The following THNSL1 variants were observed in gnomAD, a reference collection of about 807,000 sequenced individuals.
The protein encoded by THNSL1 is threonine synthase like 1, also known as threonine synthase-like 1.
Under a neutral mutation model 50.4 loss-of-function variants are expected in THNSL1, and 48 were observed. The observed-to-expected ratio is 0.95, with a 90% CI of 0.76 to 1.21. The LOEUF is 1.21. THNSL1 is among the 50% of genes most tolerant of loss of function. THNSL1 has a pLI of 0.00. For synonymous variants in THNSL1, 309 were observed against 306.1 expected, an observed-to-expected ratio of 1.01 and a Z score of -0.10; for missense variants, 896 against 871.7, an observed-to-expected ratio of 1.03 and a Z score of -0.35.
chr10:24,991,717 A>G, the THNSL1 span, among the ~76,000 whole-genome samples: 1 of 152,194 alleles, frequency 6.6e-6, no homozygotes, highest in Non-Finnish European at 1.5e-5. Context: ...CGTGTGATCC[A>G]ATTCTTCAAG....
the THNSL1 span, chr10:24,984,676 T>C: frequency 6.1e-6 from 9 of 1,475,022 alleles, no homozygotes; most frequent in Non-Finnish European, 7.3e-6. Context: ...GAGTTTTTTA[T>C]ATTTTCCATG....
chr10:24,971,905 T>C, the THNSL1 span, among the ~76,000 whole-genome samples: 1 of 152,166 alleles, frequency 6.6e-6, no homozygotes, highest in East Asian at 1.9e-4. Flanking sequence ...ATTTAAAATG[T>C]CTTGGCCAGG....
chr10:25,008,004 AATAAAT>A, the THNSL1 span, among the ~76,000 whole-genome samples: 13 of 148,474 alleles, frequency 8.8e-5, no homozygotes, highest in African/African-American at 2.9e-4. Flanking sequence ...ATATAATATG[AATAAAT>A]ATAAATATAT....
the THNSL1 span, among the ~76,000 whole-genome samples, chr10:24,965,103 CA>C: frequency 6.6e-6 from 1 of 151,300 alleles, no homozygotes; most frequent in Non-Finnish European, 1.5e-5. Context: ...CTAAGATGAA[CA>C]AGCCATTGTC....
chr10:24,976,055 G>C, the THNSL1 span, among the ~76,000 whole-genome samples: 1 of 152,226 alleles, frequency 6.6e-6, no homozygotes, highest in African/African-American at 2.4e-5. Flanking sequence ...CACTGTCACA[G>C]AAGGGAAGCC....
the THNSL1 span, among the ~76,000 whole-genome samples, chr10:24,955,681 A>G: frequency 2.2e-3 from 329 of 152,346 alleles, 1 homozygote; most frequent in African/African-American, 7.6e-3. Flanking sequence ...ACCATGGCTC[A>G]CACCTGTAAT....
the THNSL1 span, chr10:24,990,372 GT>G: frequency 6.8e-7 from 1 of 1,471,242 alleles, no homozygotes. Context: ...CAAAATCCAA[GT>G]GCTGACTTTA....
At chr10:25,002,545 T>A in the THNSL1 span, among the ~76,000 whole-genome samples, 1 of 152,208 alleles carries the variant, frequency 6.6e-6, no homozygotes, top group African/African-American at 2.4e-5. Flanking sequence ...ATGACCACTC[T>A]ATGTTGTTTA....
At chr10:25,001,318 T>A in the THNSL1 span, among the ~76,000 whole-genome samples, 4 of 151,936 alleles carry the variant, frequency 2.6e-5, no homozygotes, top group African/African-American at 9.7e-5. Context: ...TTTTAAACTT[T>A]TTTTCTCTTT....
chr10:24,976,143 A>G, the THNSL1 span, among the ~76,000 whole-genome samples: 1 of 152,158 alleles, frequency 6.6e-6, no homozygotes, highest in African/African-American at 2.4e-5. Flanking sequence ...GACTGCTCCT[A>G]AGTACCTTTA....
At chr10:24,964,501 A>C in the THNSL1 span, among the ~76,000 whole-genome samples, 1 of 152,260 alleles carries the variant, frequency 6.6e-6, no homozygotes, top group South Asian at 2.1e-4. Context: ...TCAAAATGCA[A>C]AGCCAAAATT....
At chr10:24,984,786 TTCTA>T in the THNSL1 span, 1 of 1,613,876 alleles carries the variant, frequency 6.2e-7, no homozygotes, top group Non-Finnish European at 8.5e-7. Context: ...CAATGTCGTG[TTCTA>T]GTTGTTTCAT....
At chr10:25,015,994 T>C, upstream of THNSL1, 1 of 1,572,156 alleles carries the variant, frequency 6.4e-7, no homozygotes, top group Non-Finnish European at 8.6e-7. Context: ...CCTGTCCCAG[T>C]ATCTCCGTCC....
chr10:25,025,072 G>C lies in THNSL1; in HGVS notation c.1849G>C (p.Asp617His). 6.2e-7 allele frequency: 1 copy of C among 1,614,184 alleles called. No individual in the cohort carries two copies. The highest frequency in any genetic ancestry group is 1.1e-5 in the South Asian group (1 of 91,076). ...GAAACTTCAGCAGGATTTTGTAGCT[G>C]ACTGGTGCTCTGAGGGAGAGTGCCT... The part of the protein sequence containing the change: ...VEKLQQDFVA[D>H]WCSEGECLAA... Residue 617 changes from aspartate (D) to histidine (H), a missense_variant, in exon 3 of 3, where the codon GAC (aspartate) becomes CAC (histidine). Physicochemically the swap from Asp to His is moderately conservative, Grantham distance 81. Coordinates refer to ENST00000376356, the MANE Select transcript of THNSL1 (RefSeq NM_024838.5).
intron 1 of THNSL1, 161 bp downstream of exon 1, chr10:25,016,853 C>T (rs1011446326): frequency 9.2e-5 from 14 of 152,682 alleles, no homozygotes; most frequent in Non-Finnish European, 2.0e-4. Flanking sequence ...GCATGCCTTT[C>T]CCCGTACCGT....
At chr10:24,984,382 G>GAAAA in the THNSL1 span, 2,984 of 1,394,198 alleles carry the variant, frequency 2.1e-3, 11 homozygotes, top group South Asian at 7.5e-3. Context: ...ATGCGCTGCA[G>GAAAA]AAAAAAAAAA....
chr10:25,014,497 A>G (rs902181442), upstream of THNSL1, among the ~76,000 whole-genome samples: 1 of 152,160 alleles, frequency 6.6e-6, no homozygotes, highest in East Asian at 1.9e-4. Context: ...AAATGAATAA[A>G]GACTGTTCCT....
the THNSL1 span, among the ~76,000 whole-genome samples, chr10:24,965,350 C>A: frequency 6.6e-6 from 1 of 152,220 alleles, no homozygotes. Context: ...TCTTTCCTCT[C>A]CACTTGTGTC....
At chr10:24,984,843 A>C in the THNSL1 span, 1 of 1,613,804 alleles carries the variant, frequency 6.2e-7, no homozygotes, top group Non-Finnish European at 8.5e-7. Context: ...TTGGTATAGA[A>C]TCTATAAAGA....
Sources: allele counts gnomAD v4.1 joint callset (sites outside exome capture counted in the v4.1 genomes callset), GRCh38; gene constraint gnomAD v4.1.1; transcripts MANE v1.5; gene names NCBI Gene and HGNC (gene_info 2026-07-23, HGNC 2026-07-21).